HYCC2: variants seen among roughly 807,000 people sequenced by gnomAD.
The protein encoded by HYCC2 is hyccin 2.
At chr2:201,002,281 C>CAAAAAAAAAAAA in the HYCC2 span, among the ~76,000 whole-genome samples, 1 of 82,862 alleles carries the variant, frequency 1.2e-5, no homozygotes. Flanking sequence ...ACCAATCAGC[C>CAAAAAAAAAAAA]AAAAAAAAAA....
the HYCC2 span, among the ~76,000 whole-genome samples, chr2:201,018,021 T>G: frequency 6.6e-6 from 1 of 152,216 alleles, no homozygotes; most frequent in Non-Finnish European, 1.5e-5. Flanking sequence ...GGCAAACTAT[T>G]TTAAAACTGA....
At chr2:200,977,958 T>G in the HYCC2 span, 1 of 152,196 alleles carries the variant, frequency 6.6e-6, no homozygotes, top group African/African-American at 2.4e-5. Flanking sequence ...TTCTTTGTAT[T>G]CTTTTATCCA....
the HYCC2 span, among the ~76,000 whole-genome samples, chr2:200,984,438 A>G: frequency 4.6e-5 from 7 of 152,238 alleles, no homozygotes; most frequent in African/African-American, 1.7e-4. Context: ...TGTCCCTTCA[A>G]TTTCAACATG....
chr2:200,982,054 T>C, the HYCC2 span, among the ~76,000 whole-genome samples: 1 of 152,156 alleles, frequency 6.6e-6, no homozygotes, highest in Non-Finnish European at 1.5e-5. Flanking sequence ...ACTATGCTAA[T>C]AGATGTTAGT....
chr2:201,040,359 T>C, the HYCC2 span, among the ~76,000 whole-genome samples: 7 of 152,218 alleles, frequency 4.6e-5, no homozygotes, highest in Admixed American at 2.0e-4. Context: ...TATTAATTCA[T>C]TTGAAAATAA....
At chr2:201,046,409 A>G in the HYCC2 span, among the ~76,000 whole-genome samples, 25 of 152,262 alleles carry the variant, frequency 1.6e-4, no homozygotes, top group African/African-American at 4.1e-4. Flanking sequence ...TTGTTTTATG[A>G]GAAGGTTCTG....
chr2:200,987,466 G>A, the HYCC2 span: 1 of 1,289,748 alleles, frequency 7.8e-7, no homozygotes, highest in Non-Finnish European at 1.0e-6. Context: ...CCCTAGGTCA[G>A]TGGAGCCGTG....
the HYCC2 span, among the ~76,000 whole-genome samples, chr2:201,053,126 ATT>A: frequency 2.7e-5 from 4 of 146,688 alleles, no homozygotes; most frequent in African/African-American, 1.0e-4. Context: ...AAATCTTAAA[ATT>A]TTTTTTTTTT....
At chr2:201,062,940 G>T in the HYCC2 span, 1 of 951,714 alleles carries the variant, frequency 1.1e-6, no homozygotes, top group South Asian at 1.5e-5. Flanking sequence ...TTAGAGGCCT[G>T]AACAACTACT....
chr2:201,022,004 T>C, the HYCC2 span: 34 of 1,095,608 alleles, frequency 3.1e-5, no homozygotes, highest in Non-Finnish European at 4.1e-5. Context: ...CTTTTAGTGG[T>C]AGGACAAAAA....
At chr2:201,000,708 T>C in the HYCC2 span, among the ~76,000 whole-genome samples, 1 of 152,184 alleles carries the variant, frequency 6.6e-6, no homozygotes, top group African/African-American at 2.4e-5. Flanking sequence ...AGCAATTCTA[T>C]TCCTAGGTAT....
chr2:201,031,378 A>G, the HYCC2 span, among the ~76,000 whole-genome samples: 2 of 152,186 alleles, frequency 1.3e-5, no homozygotes, highest in South Asian at 2.1e-4. Flanking sequence ...TCGGCCGGGC[A>G]CAGTGGCTCA....
chr2:201,069,903 C>A, the HYCC2 span, among the ~76,000 whole-genome samples: 7 of 151,970 alleles, frequency 4.6e-5, no homozygotes, highest in African/African-American at 1.7e-4. Flanking sequence ...ATATAAATTA[C>A]CATTAATAGA....
the HYCC2 span, among the ~76,000 whole-genome samples, chr2:201,013,917 G>T: frequency 6.6e-6 from 1 of 152,036 alleles, no homozygotes; most frequent in Non-Finnish European, 1.5e-5. Context: ...TGCTGGGGAG[G>T]GAAAGAAGGA....
At chr2:201,040,851 G>T in the HYCC2 span, among the ~76,000 whole-genome samples, 11 of 152,166 alleles carry the variant, frequency 7.2e-5, no homozygotes, top group Non-Finnish European at 1.5e-4. Context: ...CAGAATGACA[G>T]TGAAGATGGC....
At chr2:201,037,569 G>A in the HYCC2 span, among the ~76,000 whole-genome samples, 1 of 152,108 alleles carries the variant, frequency 6.6e-6, no homozygotes, top group Non-Finnish European at 1.5e-5. Context: ...ACAGAACAGA[G>A]CCCTCAGAAA....
At chr2:201,014,305 C>T in the HYCC2 span, among the ~76,000 whole-genome samples, 4 of 80,962 alleles carry the variant, frequency 4.9e-5, no homozygotes, top group African/African-American at 1.5e-4. Context: ...TGCTGGTAAG[C>T]ACTATAGGAA....
the HYCC2 span, among the ~76,000 whole-genome samples, chr2:200,998,777 A>C: frequency 6.6e-6 from 1 of 152,302 alleles, no homozygotes; most frequent in East Asian, 1.9e-4. Flanking sequence ...GGGAAGTTGT[A>C]CCTCTAAAAA....
chr2:201,023,883 C>T, the HYCC2 span: 3 of 1,109,548 alleles, frequency 2.7e-6, no homozygotes, highest in South Asian at 3.8e-5. Context: ...TAATGTTTCT[C>T]CATAGAGCAC....
Sources: gnomAD v4.1 joint callset for allele counts (sites outside exome capture counted in the v4.1 genomes callset) on GRCh38, gnomAD v4.1.1 for gene constraint, MANE v1.5 for transcripts, NCBI Gene and HGNC (gene_info 2026-07-23, HGNC 2026-07-21) for gene names.